RFFL: variants seen among roughly 807,000 people sequenced by gnomAD.
RFFL encodes E3 ubiquitin-protein ligase rififylin.
In RFFL, 16 loss-of-function variants were observed where a neutral mutation model predicts 40.4. That is an observed-to-expected ratio of 0.40 (90% CI 0.27 to 0.60). The LOEUF (loss-of-function observed/expected upper bound fraction) is 0.60, where lower values mean the gene tolerates loss of function less well. RFFL is among the 20% of genes least tolerant of loss of function. The probability of loss-of-function intolerance (pLI) is 0.47; values close to 1 mark genes in which losing one functional copy is unlikely to be tolerated. For synonymous variants in RFFL, 154 were observed against 167.9 expected (o/e 0.92, Z 0.64); for missense variants, 367 against 451.7 (o/e 0.81, Z 1.70).
chr17:35,047,615 G>A (rs1357619334), intron 1 of RFFL, among the ~76,000 whole-genome samples: 2 of 152,186 alleles, frequency 1.3e-5, no homozygotes, highest in East Asian at 3.9e-4. Flanking sequence ...TTCAGACAGG[G>A]TCTCCCTCTG....
intron 1 of RFFL, among the ~76,000 whole-genome samples, chr17:35,078,882 A>C (rs931884255): frequency 2.6e-5 from 4 of 152,088 alleles, no homozygotes; most frequent in Non-Finnish European, 4.4e-5. Flanking sequence ...CAGGAGGCTA[A>C]GATGGGAGAA....
intron 1 of RFFL, among the ~76,000 whole-genome samples, chr17:35,049,641 A>T (rs142088808): frequency 4.6e-5 from 7 of 152,366 alleles, no homozygotes; most frequent in African/African-American, 1.7e-4. Context: ...CTAGCATTAG[A>T]TGCAGCCTCC....
Position 35,014,147 on chromosome 17 carries a change from C to T in RFFL, c.910+593G>A, listed in dbSNP as rs1028180540. Among the ~76,000 whole-genome samples, 5 of 152,158 alleles carry T rather than the reference C, an allele frequency of 3.3e-5. No individual in the cohort carries two copies. In the East Asian group the frequency reaches 9.6e-4, roughly 29 times the overall value. On this transcript the variant is annotated intron_variant, in intron 6 of 6. Coordinates refer to ENST00000394597, the MANE Select transcript of RFFL (RefSeq NM_001017368.2). ...ATGTCCCCACAGATGGTCAGGAGTT[C>T]TGCAGTGTGTTCTGGGAGTACCTGA...
chr17:35,024,847 T>A (rs373986671), intron 2 of RFFL, among the ~76,000 whole-genome samples: 1 of 152,198 alleles, frequency 6.6e-6, no homozygotes, highest in Non-Finnish European at 1.5e-5. Flanking sequence ...TTCTCATAGA[T>A]GAAAACACCC....
At chr17:35,074,427 A>T (rs1357766907) in intron 1 of RFFL, 1 of 152,184 alleles carries the variant, frequency 6.6e-6, no homozygotes, top group African/African-American at 2.4e-5. Flanking sequence ...GAGTTCATTC[A>T]TTCTGGACTG....
At chr17:35,019,782 A>C (rs1230526370) in intron 3 of RFFL, among the ~76,000 whole-genome samples, 1 of 152,200 alleles carries the variant, frequency 6.6e-6, no homozygotes, top group East Asian at 1.9e-4. Flanking sequence ...GCAGGAGTTT[A>C]AATCTGTCTA....
At chr17:35,058,422 T>C (rs893481834) in intron 1 of RFFL, among the ~76,000 whole-genome samples, 1 of 152,192 alleles carries the variant, frequency 6.6e-6, no homozygotes, top group African/African-American at 2.4e-5. Flanking sequence ...TTAATAAACA[T>C]ATATTGATTA....
rs2090937819 is a variant in RFFL at position 35,011,496 on chromosome 17, A to G, written c.*472T>C. 1 of 159,938 alleles carries G rather than the reference A, an allele frequency of 6.3e-6. No individual in the cohort carries two copies. The highest frequency in any genetic ancestry group is 1.4e-5 in the Non-Finnish European group (1 of 72,158). The allele number at this position is 159,938 out of a possible 1,614,324, so 9.9% of individuals were successfully genotyped here. A position where few individuals can be genotyped will look rare whatever the true frequency, so the allele number is the denominator to read the frequency against. ...TTTAGGCAATGTAGCAAGAGACTTT[A>G]GCAAAGATAGTTAAAGCACAGAAAG... is the stretch of plus-strand genomic sequence containing the variant. On this transcript the variant is annotated 3_prime_UTR_variant, in exon 7 of 7. Transcript: ENST00000394597.
At chr17:35,068,919 A>C (rs574601201) in intron 1 of RFFL, among the ~76,000 whole-genome samples, 66 of 152,276 alleles carry the variant, frequency 4.3e-4, no homozygotes, top group African/African-American at 1.3e-3. Flanking sequence ...AATTTTCTAT[A>C]TAAGGCTATT....
intron 1 of RFFL, among the ~76,000 whole-genome samples, chr17:35,048,405 AAATT>A (rs747599874): frequency 8.6e-5 from 13 of 152,006 alleles, no homozygotes; most frequent in East Asian, 1.9e-4. Context: ...CCATCTCAAA[AAATT>A]AATTAATTAA....
At chr17:35,050,619 A>C (rs1346622367) in intron 1 of RFFL, among the ~76,000 whole-genome samples, 1 of 151,930 alleles carries the variant, frequency 6.6e-6, no homozygotes, top group African/African-American at 2.4e-5. Flanking sequence ...TCAGCTTCCC[A>C]AACTGTTGGG....
intron 1 of RFFL, among the ~76,000 whole-genome samples, chr17:35,029,975 AATG>A (rs1352951221): frequency 1.3e-5 from 2 of 150,814 alleles, no homozygotes; most frequent in Non-Finnish European, 2.9e-5. Context: ...GTTTACTGAG[AATG>A]ATGATTTCCA....
chr17:35,032,145 G>A (rs1345703910), intron 1 of RFFL, among the ~76,000 whole-genome samples: 1 of 151,854 alleles, frequency 6.6e-6, no homozygotes, highest in Non-Finnish European at 1.5e-5. Context: ...GGTTGGGTCA[G>A]GGAGCAAGGC....
intron 2 of RFFL, among the ~76,000 whole-genome samples, chr17:35,022,411 T>C (rs2091014563): frequency 6.6e-6 from 1 of 152,242 alleles, no homozygotes; most frequent in Non-Finnish European, 1.5e-5. Flanking sequence ...TTACAATTAA[T>C]ATTAATTTAT....
At chr17:35,055,806 T>A (rs1033913435) in intron 1 of RFFL, among the ~76,000 whole-genome samples, 4 of 152,104 alleles carry the variant, frequency 2.6e-5, no homozygotes, top group African/African-American at 7.2e-5. Flanking sequence ...AAAGATAGTA[T>A]CTCTGACATT....
intron 1 of RFFL, among the ~76,000 whole-genome samples, chr17:35,061,655 G>T (rs1169673477): frequency 2.0e-5 from 3 of 149,006 alleles, no homozygotes. Flanking sequence ...TACAGACAGG[G>T]TTTCACCATG....
chr17:35,041,043 C>T (rs778653787), intron 1 of RFFL, among the ~76,000 whole-genome samples: 8 of 151,556 alleles, frequency 5.3e-5, no homozygotes, highest in South Asian at 2.1e-4. Flanking sequence ...CACGACCAGC[C>T]TTTTAATGTC....
chr17:35,059,868 T>C (rs563068921), intron 1 of RFFL, among the ~76,000 whole-genome samples: 6 of 152,290 alleles, frequency 3.9e-5, no homozygotes, highest in African/African-American at 1.2e-4. Context: ...TTTTCAACCT[T>C]TTAATCATTT....
upstream of RFFL, among the ~76,000 whole-genome samples, chr17:35,068,060 T>A (rs1014995043): frequency 2.0e-5 from 3 of 152,200 alleles, no homozygotes; most frequent in Non-Finnish European, 4.4e-5. Context: ...CTGAGACATT[T>A]TCACACCTGG....
Sources: gnomAD v4.1 joint callset for allele counts (sites outside exome capture counted in the v4.1 genomes callset) on GRCh38, gnomAD v4.1.1 for gene constraint, MANE v1.5 for transcripts, NCBI Gene and HGNC (gene_info 2026-07-23, HGNC 2026-07-21) for gene names.